The following MICU2 variants were observed in gnomAD, a reference collection of about 807,000 sequenced individuals.
The protein encoded by MICU2 is mitochondrial calcium uptake 2, also known as calcium uptake protein 2, mitochondrial.
Under a neutral mutation model 60.4 loss-of-function variants are expected in MICU2, and 64 were observed. That is an observed-to-expected ratio of 1.06 (90% CI 0.87 to 1.31). MICU2 has a LOEUF of 1.31. Ranked by LOEUF, MICU2 falls within the 50% of genes most tolerant of loss-of-function variation. The pLI is 0.00. For missense variants in MICU2, 569 were observed against 531.0 expected (o/e 1.07, Z -0.70); for synonymous variants, 201 against 175.0 (o/e 1.15, Z -1.17).
chr13:21,510,846 T>A (rs1416863758), intron 7 of MICU2, among the ~76,000 whole-genome samples: 1 of 146,752 alleles, frequency 6.8e-6, no homozygotes, highest in East Asian at 1.9e-4. Context: ...TTAATTCATT[T>A]AATGAATTCC....
intron 2 of MICU2, among the ~76,000 whole-genome samples, chr13:21,545,117 G>C (rs1431400793): frequency 1.3e-5 from 2 of 152,124 alleles, no homozygotes; most frequent in Non-Finnish European, 2.9e-5. Context: ...ATACATCAAA[G>C]AGGCATCTGC....
chr13:21,591,555 C>T (rs1388695599), intron 1 of MICU2, among the ~76,000 whole-genome samples: 1 of 151,942 alleles, frequency 6.6e-6, no homozygotes, highest in African/African-American at 2.4e-5. Context: ...ACTCTCTACC[C>T]CAAATCAACA....
intron 3 of MICU2, 72 bp from the exon 4 acceptor site, chr13:21,539,449 C>G: frequency 1.4e-6 from 2 of 1,415,196 alleles, no homozygotes; most frequent in South Asian, 1.2e-5. Context: ...CAGACGCCCA[C>G]CTCCATAGCC....
At position 21,604,127 on chromosome 13, in the gene MICU2, A is replaced by G. The variant is rs1471220483; in HGVS notation, c.22T>C (p.Cys8Arg). 6 of 1,566,044 alleles carry G rather than the reference A, an allele frequency of 3.8e-6. No homozygotes were observed. The African/African-American group carries it at 8.3e-5, about 22-fold the overall frequency. Residue 8 changes from cysteine (C) to arginine (R), a missense_variant, in exon 1 of 12, where the codon TGC becomes CGC. Coordinates refer to ENST00000382374, the MANE Select transcript of MICU2 (RefSeq NM_152726.3). MAAAAGS[C>R]ARVAAWGGKL... ...CCGCCCCAGGCCGCCACCCGCGCGC[A>G]GCTACCCGCAGCCGCCGCCATCTTT...
intron 1 of MICU2, among the ~76,000 whole-genome samples, chr13:21,585,538 T>A (rs764570047): frequency 1.3e-5 from 2 of 152,216 alleles, no homozygotes; most frequent in Non-Finnish European, 2.9e-5. Flanking sequence ...TATATATTTT[T>A]TCTTTTTCAC....
rs139868864 is a variant in MICU2, at chr13:21,537,661, G to A, written c.466+1641C>T. Reference sequence around the variant, plus strand: ...ATTTTTTGTGTTTTTAGTAGAGACAGGGTTTCCCCATGTTGGCCAGGCTGG... The same window carrying A: ...ATTTTTTGTGTTTTTAGTAGAGACAAGGTTTCCCCATGTTGGCCAGGCTGG... On this transcript the variant is annotated intron_variant, in intron 4 of 11. Coordinates refer to ENST00000382374, the MANE Select transcript of MICU2 (RefSeq NM_152726.3). Among the ~76,000 whole-genome samples, 902 of 152,098 alleles carry A rather than the reference G, an allele frequency of 5.9e-3. 10 individuals carry two copies. Among genetic ancestry groups the A allele is most frequent in the Middle Eastern group, 0.017 (5 of 294 alleles).
chr13:21,563,562 T>C (rs898550014), intron 2 of MICU2, among the ~76,000 whole-genome samples: 17 of 152,212 alleles, frequency 1.1e-4, no homozygotes, highest in African/African-American at 4.1e-4. Context: ...GCTTGACATT[T>C]GTTAATAATT....
rs190235105 is a variant in MICU2, at chr13:21,571,235, C to A, written c.211-4291G>T. Among the ~76,000 whole-genome samples the A allele has an allele frequency of 2.1e-3, 322 of 152,154 alleles. 1 individual carries two copies. The highest frequency in any genetic ancestry group is 7.5e-3 in the African/African-American group (312 of 41,498). On this transcript the variant is annotated intron_variant, in intron 1 of 11. Coordinates refer to ENST00000382374, the MANE Select transcript of MICU2 (RefSeq NM_152726.3). ...TTAGGCTTGGTAAACTGAGCTAAGGCAAAGAAAACGGCTTGTAGACTTAAG... is the reference window on the plus strand; with the variant it reads ...TTAGGCTTGGTAAACTGAGCTAAGGAAAAGAAAACGGCTTGTAGACTTAAG...
chr13:21,515,015 G>C (rs910686308), intron 6 of MICU2, among the ~76,000 whole-genome samples: 18 of 151,832 alleles, frequency 1.2e-4, no homozygotes, highest in Admixed American at 9.8e-4. Context: ...AGATTATGCT[G>C]TCCTTTCAAG....
At chr13:21,567,809 G>C (rs1289964543) in intron 1 of MICU2, among the ~76,000 whole-genome samples, 2 of 152,158 alleles carry the variant, frequency 1.3e-5, no homozygotes, top group Non-Finnish European at 2.9e-5. Flanking sequence ...TTGAGCAGTA[G>C]ATACAGAAAC....
intron 1 of MICU2, among the ~76,000 whole-genome samples, chr13:21,598,340 A>G (rs1034570982): frequency 6.6e-6 from 1 of 152,210 alleles, no homozygotes; most frequent in African/African-American, 2.4e-5. Flanking sequence ...ACTGTTGTCA[A>G]CTGTGAACTA....
chr13:21,577,430 G>C (rs1453719027), intron 1 of MICU2, among the ~76,000 whole-genome samples: 1 of 151,974 alleles, frequency 6.6e-6, no homozygotes, highest in Non-Finnish European at 1.5e-5. Context: ...TGAGGGAAAA[G>C]GATCACTTCA....
At chr13:21,516,386 T>C (rs1271063291) in intron 6 of MICU2, among the ~76,000 whole-genome samples, 2 of 152,228 alleles carry the variant, frequency 1.3e-5, no homozygotes, top group African/African-American at 4.8e-5. Context: ...CCCATGTTGT[T>C]TGCCTGTCAG....
chr13:21,527,403 A>C (rs1886885432), intron 4 of MICU2, among the ~76,000 whole-genome samples: 1 of 152,204 alleles, frequency 6.6e-6, no homozygotes, highest in Non-Finnish European at 1.5e-5. Flanking sequence ...CCTTTATGCA[A>C]GCAGAACTTT....
At chr13:21,517,813 G>GCACA (rs1404477123) in intron 6 of MICU2, among the ~76,000 whole-genome samples, 41 of 142,138 alleles carry the variant, frequency 2.9e-4, no homozygotes, top group African/African-American at 9.1e-4. Flanking sequence ...GCGCGCGCGC[G>GCACA]CACACGCGCT....
intron 2 of MICU2, among the ~76,000 whole-genome samples, chr13:21,558,537 T>C (rs1391391880): frequency 6.6e-6 from 1 of 151,968 alleles, no homozygotes; most frequent in Non-Finnish European, 1.5e-5. Flanking sequence ...GATCTTAGGC[T>C]TGAACTTCTC....
intron 1 of MICU2, among the ~76,000 whole-genome samples, chr13:21,570,382 A>T (rs1888080712): frequency 6.6e-6 from 1 of 152,196 alleles, no homozygotes; most frequent in African/African-American, 2.4e-5. Context: ...AATTTGGAAG[A>T]TTAATTTGCC....
intron 1 of MICU2, among the ~76,000 whole-genome samples, chr13:21,572,825 C>T (rs1888142337): frequency 6.6e-6 from 1 of 152,040 alleles, no homozygotes; most frequent in South Asian, 2.1e-4. Context: ...TACAACCAAT[C>T]AACAGGCCCA....
intron 4 of MICU2, among the ~76,000 whole-genome samples, chr13:21,523,742 C>T (rs1886782672): frequency 6.6e-6 from 1 of 152,166 alleles, no homozygotes. Flanking sequence ...CAGGGATGGG[C>T]TAACACCTAA....
Sources: allele counts gnomAD v4.1 joint callset (sites outside exome capture counted in the v4.1 genomes callset), GRCh38; gene constraint gnomAD v4.1.1; transcripts MANE v1.5; gene names NCBI Gene and HGNC (gene_info 2026-07-23, HGNC 2026-07-21).